The following AQP3 variants were observed in gnomAD, a reference collection of about 807,000 sequenced individuals.
AQP3 encodes the protein aquaporin 3 (Gill blood group), also known as aquaporin-3.
A neutral mutation model predicts 30.3 loss-of-function variants in AQP3; 15 were observed. The observed-to-expected ratio is 0.49, with a 90% CI of 0.33 to 0.76. AQP3 has a LOEUF of 0.76. Among genes scored for constraint, AQP3 ranks in the 30% least tolerant of loss-of-function variants. AQP3 has a pLI of 0.02. For synonymous variants in AQP3, 153 were observed against 163.2 expected (o/e 0.94, Z 0.47); for missense variants, 272 against 384.8 (o/e 0.71, Z 2.45).
At chr9:33,446,840 C>T (rs1216467992) in intron 1 of AQP3, among the ~76,000 whole-genome samples, 1 of 152,204 alleles carries the variant, frequency 6.6e-6, no homozygotes, top group African/African-American at 2.4e-5. Flanking sequence ...GCCTAGCTTC[C>T]TCCCACCCTT....
intron 1 of AQP3, among the ~76,000 whole-genome samples, chr9:33,445,609 T>G (rs1048351707): frequency 3.9e-5 from 6 of 152,100 alleles, no homozygotes; most frequent in African/African-American, 1.4e-4. Context: ...CAGACCTGGC[T>G]CCATCCCAGG....
At position 33,447,437 on chromosome 9, in the gene AQP3, T is replaced by A; in HGVS notation, c.94A>T (p.Thr32Ser). 1 of 1,604,432 alleles carries A rather than the reference T, an allele frequency of 6.2e-7. No homozygotes were observed. The highest frequency in any genetic ancestry group is 8.5e-7 in the Non-Finnish European group (1 of 1,176,122). The change falls in exon 1 of 6, where the codon ACC (threonine) becomes TCC (serine). Residue 32 changes from threonine to serine, a missense_variant. By Grantham distance (58) the Thr-to-Ser change is moderately conservative. Coordinates refer to ENST00000297991, the MANE Select transcript of AQP3 (RefSeq NM_004925.5). ...CCTCCACTCACCACCAGGATGAGGG[T>A]CCCCAGGCACTCGGCCAGCGCCTGT... Reference protein sequence around the residue: ...LRQALAECLGTLILVMFGCGS... With the variant: ...LRQALAECLGSLILVMFGCGS...
chr9:33,443,112 G>T lies in AQP3; in HGVS notation c.374-142C>A. 9.6e-7 allele frequency: 1 copy of T among 1,046,778 alleles called. No homozygotes were observed. Among genetic ancestry groups the T allele is most frequent in the Non-Finnish European group, 1.4e-6 (1 of 694,644 alleles). The allele number at this position is 1,046,778 out of a possible 1,614,324, so 64.8% of individuals were successfully genotyped here. A position where few individuals can be genotyped will look rare whatever the true frequency, so the allele number is the denominator to read the frequency against. On this transcript the variant is annotated intron_variant, in intron 3 of 5. Coordinates refer to ENST00000297991, the MANE Select transcript of AQP3 (RefSeq NM_004925.5). This position sits in a 1 kb window ranked among gnomAD's most constrained non-coding sequence, Gnocchi z 5.0. The stretch of plus-strand genomic sequence containing the variant: ...TTGCAGCAGGCAGAGGGGGTGGCGT[G>T]GGGTGGGGTGGAGGGCCTGAGACTC...
chr9:33,443,532 G>T lies in AQP3; in HGVS notation c.236-74C>A. On this transcript the variant is annotated intron_variant, in intron 2 of 5. Transcript: ENST00000297991. The surrounding 1 kb of genome is among the most constrained non-coding windows in gnomAD (Gnocchi z 5.0). ...GCAGGCTAGGGTCCCCTGAGAAGGG[G>T]TGCAGAGAGGGGTTTCTTGCACAGG... 1 of 1,559,328 alleles carries T rather than the reference G, an allele frequency of 6.4e-7. No homozygotes were observed. The highest frequency in any genetic ancestry group is 8.7e-7 in the Non-Finnish European group (1 of 1,147,710).
At chr9:33,444,636 T>C (rs1239179257) in intron 1 of AQP3, among the ~76,000 whole-genome samples, 2 of 148,704 alleles carry the variant, frequency 1.3e-5, no homozygotes, top group Non-Finnish European at 3.0e-5. Context: ...GAAAAGCTCA[T>C]GTGGTGGTGG....
intron 4 of AQP3, 131 bp from the exon 5 acceptor site, chr9:33,442,649 G>C (rs1437901493): frequency 2.6e-6 from 3 of 1,145,602 alleles, no homozygotes; most frequent in Non-Finnish European, 3.9e-6. Context: ...TGAAAGCAAT[G>C]GTGCTAGAAT....
chr9:33,443,066 G>T lies in AQP3; in HGVS notation c.374-96C>A. 8.1e-7 allele frequency: 1 copy of T among 1,239,468 alleles called. No individual in the cohort carries two copies. The highest frequency in any genetic ancestry group is 1.2e-5 in the South Asian group (1 of 82,174). The allele number at this position is 1,239,468 out of a possible 1,614,324, so 76.8% of individuals were successfully genotyped here. A position where few individuals can be genotyped will look rare whatever the true frequency, so the allele number is the denominator to read the frequency against. ...CTCCCCACCCTCCCATGAGTTATGG[G>T]TAAGTAGCAATACTGCTGTATTGCA... On this transcript the variant is annotated intron_variant, in intron 3 of 5. Transcript: ENST00000297991. This position sits in a 1 kb window ranked among gnomAD's most constrained non-coding sequence, Gnocchi z 5.0.
Position 33,441,722 on chromosome 9 carries a change from CA to C in AQP3, c.*320del. 1 of 453,376 alleles carries C rather than the reference CA, an allele frequency of 2.2e-6. No individual in the cohort carries two copies. Among genetic ancestry groups the C allele is most frequent in the South Asian group, 5.7e-5 (1 of 17,608 alleles). The allele number at this position is 453,376 out of a possible 1,614,324, so 28.1% of individuals were successfully genotyped here. A position where few individuals can be genotyped will look rare whatever the true frequency, so the allele number is the denominator to read the frequency against. Reference sequence around the variant, plus strand: ...TCTGGGAACCCCCCCCACACACACACACCCCTGCACACACATGCACACACAT... The same window carrying C: ...TCTGGGAACCCCCCCCACACACACACCCCCTGCACACACATGCACACACAT... On this transcript the variant is annotated 3_prime_UTR_variant, in exon 6 of 6. Transcript: ENST00000297991.
Position 33,443,735 on chromosome 9 carries a change from C to T in AQP3, c.235+31G>A. ...CACCTAGTGGGAATGCTATTGAGGG[C>T]CAAGGGCTGGGGGCAGGGTTAAGGC... is the stretch of plus-strand genomic sequence containing the variant. On this transcript the variant is annotated intron_variant, in intron 2 of 5. Coordinates refer to ENST00000297991, the MANE Select transcript of AQP3 (RefSeq NM_004925.5). This position sits in a 1 kb window ranked among gnomAD's most constrained non-coding sequence, Gnocchi z 5.0. The T allele has an allele frequency of 6.2e-7, 1 of 1,613,636 alleles. No individual in the cohort carries two copies. Among genetic ancestry groups the T allele is most frequent in the Non-Finnish European group, 8.5e-7 (1 of 1,179,914 alleles).
In AQP3 at chr9:33,443,674, G is replaced by C; in HGVS notation, c.235+92C>G. The C allele has an allele frequency of 6.3e-7, 1 of 1,591,726 alleles. No homozygotes were observed. The highest frequency in any genetic ancestry group is 8.6e-7 in the Non-Finnish European group (1 of 1,162,640). ...TCCTTTCCCAAGGGGCCAAAGCAGAGGCCACAGCTGTGACCTGCCCTTAGG... is the reference window on the plus strand; with the variant it reads ...TCCTTTCCCAAGGGGCCAAAGCAGACGCCACAGCTGTGACCTGCCCTTAGG... On this transcript the variant is annotated intron_variant, in intron 2 of 5. Transcript: ENST00000297991. The surrounding 1 kb of genome is among the most constrained non-coding windows in gnomAD (Gnocchi z 5.0).
Position 33,443,903 on chromosome 9 carries a change from G to A in AQP3, c.109-11C>T. The A allele has an allele frequency of 6.2e-7, 1 of 1,612,966 alleles. No individual in the cohort carries two copies. Among genetic ancestry groups the A allele is most frequent in the Non-Finnish European group, 8.5e-7 (1 of 1,179,416 alleles). ...GCCACAGCCAAACATCTGTCAGGAAGAAGAACAGGCAGGGAGGGTGAGGAC... is the reference window on the plus strand; with the variant it reads ...GCCACAGCCAAACATCTGTCAGGAAAAAGAACAGGCAGGGAGGGTGAGGAC... On this transcript the variant is annotated splice_polypyrimidine_tract_variant and intron_variant, in intron 1 of 5. Coordinates refer to ENST00000297991, the MANE Select transcript of AQP3 (RefSeq NM_004925.5). This position sits in a 1 kb window ranked among gnomAD's most constrained non-coding sequence, Gnocchi z 5.0.
chr9:33,443,581 G>T lies in AQP3; in HGVS notation c.236-123C>A. ...GGATGGCGGTTGGTCTATGTAACAGGTCAGCTGATAATCTCTGATTCCAAG... is the reference window on the plus strand; with the variant it reads ...GGATGGCGGTTGGTCTATGTAACAGTTCAGCTGATAATCTCTGATTCCAAG... On this transcript the variant is annotated intron_variant, in intron 2 of 5. Transcript: ENST00000297991. This position sits in a 1 kb window ranked among gnomAD's most constrained non-coding sequence, Gnocchi z 5.0. 6.9e-7 allele frequency: 1 copy of T among 1,455,862 alleles called. No individual in the cohort carries two copies. Among genetic ancestry groups the T allele is most frequent in the Non-Finnish European group, 9.4e-7 (1 of 1,065,486 alleles). The allele number at this position is 1,455,862 out of a possible 1,614,324, so 90.2% of individuals were successfully genotyped here.
At chr9:33,446,144 C>T (rs909751148) in intron 1 of AQP3, among the ~76,000 whole-genome samples, 5 of 152,146 alleles carry the variant, frequency 3.3e-5, no homozygotes, top group Non-Finnish European at 2.9e-5. Context: ...CTCAGGACTC[C>T]GATAGGAGTG....
Position 33,443,123 on chromosome 9 carries a change from G to A in AQP3, c.374-153C>T, listed in dbSNP as rs1046588881. 11 of 1,039,410 alleles carry A rather than the reference G, an allele frequency of 1.1e-5. No homozygotes were observed. Among genetic ancestry groups the A allele is most frequent in the Non-Finnish European group, 1.6e-5 (11 of 691,774 alleles). 64.4% of individuals were successfully genotyped at this position (1,039,410 alleles called of 1,614,324 possible). ...AGAGGGGGTGGCGTGGGGTGGGGTG[G>A]AGGGCCTGAGACTCTGTTATTGCCC... On this transcript the variant is annotated intron_variant, in intron 3 of 5. Coordinates refer to ENST00000297991, the MANE Select transcript of AQP3 (RefSeq NM_004925.5). This position sits in a 1 kb window ranked among gnomAD's most constrained non-coding sequence, Gnocchi z 5.0.
At position 33,443,315 on chromosome 9, in the gene AQP3, G is replaced by A. The variant is rs1403198730; in HGVS notation, c.373+6C>T. ...AGTGGAGGAGGACAGGGTGGGGAAT[G>A]CTTACCATAATACAGCCCAAAAACT... On this transcript the variant is annotated splice_donor_region_variant and intron_variant, in intron 3 of 5. Transcript: ENST00000297991. The surrounding 1 kb of genome is among the most constrained non-coding windows in gnomAD (Gnocchi z 5.0). 6.3e-7 allele frequency: 1 copy of A among 1,576,188 alleles called. No individual in the cohort carries two copies. Among genetic ancestry groups the A allele is most frequent in the Admixed American group, 1.8e-5 (1 of 54,208 alleles).
chr9:33,441,675 G>A lies in AQP3; in HGVS notation c.*368C>T, dbSNP rs934179392. ...TCCCCCAATAGCCAGAATCCCTTCC[G>A]ACTGGTCCCTTGCCCTGAATATCTG... On this transcript the variant is annotated 3_prime_UTR_variant, in exon 6 of 6. Coordinates refer to ENST00000297991, the MANE Select transcript of AQP3 (RefSeq NM_004925.5). 2.0e-4 allele frequency: 83 copies of A among 413,920 alleles called. No individual in the cohort carries two copies. The highest frequency in any genetic ancestry group is 3.1e-4 in the Non-Finnish European group (72 of 235,568). 25.6% of individuals were successfully genotyped at this position (413,920 alleles called of 1,614,324 possible).
chr9:33,446,990 A>T (rs1826922490), intron 1 of AQP3, among the ~76,000 whole-genome samples: 2 of 152,326 alleles, frequency 1.3e-5, no homozygotes, highest in South Asian at 2.1e-4. Flanking sequence ...ATTAGAGGCC[A>T]GACACCCAGG....
At chr9:33,445,652 T>TA (rs970786671) in intron 1 of AQP3, among the ~76,000 whole-genome samples, 9 of 152,112 alleles carry the variant, frequency 5.9e-5, no homozygotes, top group African/African-American at 2.2e-4. Flanking sequence ...CAGAGCCAGT[T>TA]CCACCACCTT....
At position 33,445,663 on chromosome 9, in the gene AQP3, G is replaced by A. The variant is rs78485283; in HGVS notation, c.108+1760C>T. 9.7e-3 allele frequency among the ~76,000 whole-genome samples: 1,470 copies of A among 152,222 alleles called. 21 individuals carry two copies. The highest frequency in any genetic ancestry group is 0.033 in the African/African-American group (1,379 of 41,518). On this transcript the variant is annotated intron_variant, in intron 1 of 5. Transcript: ENST00000297991. ...CTGTCAGAGCCAGTTCCACCACCTT[G>A]GGGCTAATCTTCCTCTTCCTCCCCC...
Sources: allele counts gnomAD v4.1 joint callset (sites outside exome capture counted in the v4.1 genomes callset), GRCh38; gene constraint gnomAD v4.1.1; non-coding constraint Gnocchi (gnomAD v3.1); transcripts MANE v1.5; gene names NCBI Gene and HGNC (gene_info 2026-07-23, HGNC 2026-07-21).